Variants in MYLK observed in about 807,000 individuals in gnomAD.
MYLK encodes the protein myosin light chain kinase, also known as myosin light chain kinase, smooth muscle.
A neutral mutation model predicts 203.4 loss-of-function variants in MYLK; 106 were observed. The ratio of observed to expected loss-of-function variants is 0.52; its 90% CI spans 0.45 to 0.61. MYLK has a LOEUF of 0.61. Among genes scored for constraint, MYLK ranks in the 20% least tolerant of loss-of-function variants. The probability of loss-of-function intolerance (pLI) is 0.00; values close to 1 mark genes in which losing one functional copy is unlikely to be tolerated. For missense variants in MYLK, 2,072 were observed against 2,442.3 expected, an observed-to-expected ratio of 0.85 and a Z score of 3.20; for synonymous variants, 867 against 959.5, an observed-to-expected ratio of 0.90 and a Z score of 1.78.
intron 23 of MYLK, chr3:123,659,548 C>A: frequency 1.3e-5 from 4 of 307,768 alleles, no homozygotes; most frequent in South Asian, 2.7e-5. Flanking sequence ...CAGAAAAGAC[C>A]CAAGTCAGAA....
At chr3:123,746,008 C>A (rs2063003567) in intron 5 of MYLK, among the ~76,000 whole-genome samples, 2 of 152,024 alleles carry the variant, frequency 1.3e-5, no homozygotes, top group Non-Finnish European at 2.9e-5. Context: ...TAGGCACCCA[C>A]CACCACATAT....
chr3:123,836,235 C>T (rs941643467), intron 2 of MYLK, among the ~76,000 whole-genome samples: 27 of 152,118 alleles, frequency 1.8e-4, no homozygotes, highest in African/African-American at 6.5e-4. Flanking sequence ...TCCCTTGCCC[C>T]TTCAACTGAA....
At chr3:123,732,762 T>G in intron 11 of MYLK, 134 bp downstream of exon 11, 1 of 840,662 alleles carries the variant, frequency 1.2e-6, no homozygotes, top group Non-Finnish European at 2.0e-6. Flanking sequence ...TGGCATGTGA[T>G]TGGGGGTGAC....
intron 2 of MYLK, among the ~76,000 whole-genome samples, chr3:123,873,912 C>A (rs945173738): frequency 6.6e-6 from 1 of 151,832 alleles, no homozygotes; most frequent in African/African-American, 2.4e-5. Flanking sequence ...AAAATTACAC[C>A]AAAACATGAA....
chr3:123,704,917 C>A (rs993298527), intron 16 of MYLK, among the ~76,000 whole-genome samples: 3 of 151,896 alleles, frequency 2.0e-5, no homozygotes, highest in Admixed American at 2.0e-4. Flanking sequence ...GAGATTCTGT[C>A]AAAAAATAAA....
intron 19 of MYLK, chr3:123,692,517 G>A: frequency 1.2e-6 from 1 of 827,434 alleles, no homozygotes; most frequent in Non-Finnish European, 1.8e-6. Context: ...CCAGGGGAGG[G>A]GTGAAGCCAT....
intron 13 of MYLK, among the ~76,000 whole-genome samples, chr3:123,714,418 G>A (rs2108685027): frequency 6.6e-6 from 1 of 152,192 alleles, no homozygotes; most frequent in Middle Eastern, 3.4e-3. Context: ...CTTGTCCTTG[G>A]CCTCCTTCTA....
At chr3:123,760,880 T>G (rs1199174344) in intron 4 of MYLK, among the ~76,000 whole-genome samples, 1 of 152,230 alleles carries the variant, frequency 6.6e-6, no homozygotes, top group Non-Finnish European at 1.5e-5. Flanking sequence ...AAACACATTT[T>G]AAAACAAATA....
At chr3:123,690,122 A>G (rs1026028845) in intron 19 of MYLK, among the ~76,000 whole-genome samples, 9 of 152,234 alleles carry the variant, frequency 5.9e-5, no homozygotes, top group African/African-American at 1.9e-4. Flanking sequence ...GTCTGAAGTC[A>G]GCACCAGCTG....
chr3:123,716,393 TC>T (rs2061895382), intron 13 of MYLK: 2 of 152,220 alleles, frequency 1.3e-5, no homozygotes, highest in African/African-American at 4.8e-5. Flanking sequence ...AAAGGATTTT[TC>T]CTCCCATAGC....
chr3:123,640,527 T>C lies in MYLK; in HGVS notation c.4620-23A>G. On this transcript the variant is annotated intron_variant, in intron 27 of 33. Coordinates refer to ENST00000360304, the MANE Select transcript of MYLK (RefSeq NM_053025.4). This position sits in a 1 kb window ranked among gnomAD's most constrained non-coding sequence, Gnocchi z 4.3. Reference sequence around the variant, plus strand: ...ACGCTGCGGGAACACGTGCACGGGGTGGTCAGGCCACAGGCTCATGGAGGC... The same window carrying C: ...ACGCTGCGGGAACACGTGCACGGGGCGGTCAGGCCACAGGCTCATGGAGGC... The C allele has an allele frequency of 6.2e-7, 1 of 1,612,456 alleles. No homozygotes were observed. Among genetic ancestry groups the C allele is most frequent in the African/African-American group, 1.3e-5 (1 of 74,758 alleles).
In MYLK at chr3:123,657,236, T is replaced by A. The variant is rs1490505493; in HGVS notation, c.4178A>T (p.Asp1393Val). ...TCRSTSFNVQ[D>V]LLPDHEYKFR... The stretch of plus-strand genomic sequence containing the variant: ...CTTATATTCGTGGTCAGGCAGCAGG[T>A]CCTGGACGTTGAAAGAGGTGCTGCG... Residue 1393 changes from aspartate to valine, a missense_variant, in exon 24 of 34, where the codon GAC (aspartate) becomes GTC (valine). Coordinates refer to ENST00000360304, the MANE Select transcript of MYLK (RefSeq NM_053025.4). 6.2e-7 allele frequency: 1 copy of A among 1,614,154 alleles called. No homozygotes were observed. The highest frequency in any genetic ancestry group is 2.2e-5 in the East Asian group (1 of 44,874).
chr3:123,667,300 T>C, intron 20 of MYLK, 113 bp from the exon 21 acceptor site: 1 of 1,024,398 alleles, frequency 9.8e-7, no homozygotes, highest in Non-Finnish European at 1.5e-6. Flanking sequence ...GGAGGACTCT[T>C]ATTTGAACAT....
chr3:123,725,153 T>C (rs1373842203), intron 12 of MYLK, among the ~76,000 whole-genome samples: 1 of 152,108 alleles, frequency 6.6e-6, no homozygotes, highest in Admixed American at 6.5e-5. Context: ...CCCCGAGGGG[T>C]GAAGTGTCCA....
chr3:123,745,150 A>G (rs1308183627), intron 5 of MYLK, among the ~76,000 whole-genome samples: 1 of 151,990 alleles, frequency 6.6e-6, no homozygotes, highest in Non-Finnish European at 1.5e-5. Flanking sequence ...ATTATTGAAG[A>G]CTAAGGAACC....
chr3:123,645,255 G>T (rs533627941), intron 27 of MYLK, among the ~76,000 whole-genome samples: 3 of 152,234 alleles, frequency 2.0e-5, no homozygotes, highest in South Asian at 4.1e-4. Context: ...ACTTACTCAA[G>T]GTCAAATAAC....
chr3:123,659,176 A>T (rs190826449), intron 23 of MYLK, among the ~76,000 whole-genome samples: 19 of 152,348 alleles, frequency 1.2e-4, no homozygotes, highest in African/African-American at 4.3e-4. Flanking sequence ...CTAAGGAAGT[A>T]AAAAAACCTG....
chr3:123,688,189 G>C (rs374422060), intron 19 of MYLK, among the ~76,000 whole-genome samples: 1 of 152,002 alleles, frequency 6.6e-6, no homozygotes, highest in Non-Finnish European at 1.5e-5. Flanking sequence ...AATGGCCTCT[G>C]TGTGTGGATG....
At chr3:123,800,264 G>C (rs1172005620) in intron 3 of MYLK, 1 of 152,230 alleles carries the variant, frequency 6.6e-6, no homozygotes, top group African/African-American at 2.4e-5. Flanking sequence ...AGAGAGCTGA[G>C]TCCTCGGAGG....
Sources: gnomAD v4.1 joint callset for allele counts (sites outside exome capture counted in the v4.1 genomes callset) on GRCh38, gnomAD v4.1.1 for gene constraint, Gnocchi (gnomAD v3.1) non-coding constraint, MANE v1.5 for transcripts, NCBI Gene and HGNC (gene_info 2026-07-23, HGNC 2026-07-21) for gene names.